UXS1: variants seen among roughly 807,000 people sequenced by gnomAD.
UXS1 encodes the protein UDP-glucuronate decarboxylase 1, also known as UDP-glucuronic acid decarboxylase 1.
Under a neutral mutation model 62.6 loss-of-function variants are expected in UXS1, and 33 were observed. The observed-to-expected ratio is 0.53, with a 90% CI of 0.40 to 0.70. UXS1 has a LOEUF of 0.70. Among genes scored for constraint, UXS1 ranks in the 30% least tolerant of loss-of-function variants. The probability of loss-of-function intolerance (pLI) is 0.00; values close to 1 mark genes in which losing one functional copy is unlikely to be tolerated. For synonymous variants in UXS1, 213 were observed against 206.8 expected (o/e 1.03, Z -0.26); for missense variants, 434 against 556.3 (o/e 0.78, Z 2.21).
At chr2:106,100,895 T>A in intron 12 of UXS1, 163 bp downstream of exon 12, 2 of 868,194 alleles carry the variant, frequency 2.3e-6, no homozygotes, top group Non-Finnish European at 3.6e-6. Context: ...TGTATACTCT[T>A]ACTTTGTGTT....
At chr2:106,181,555 C>T (rs546715538) in intron 1 of UXS1, among the ~76,000 whole-genome samples, 164 of 152,102 alleles carry the variant, frequency 1.1e-3, no homozygotes, top group Middle Eastern at 3.4e-3. Flanking sequence ...CCTGTCTCAA[C>T]TAAAATACAA....
intron 8 of UXS1, among the ~76,000 whole-genome samples, chr2:106,124,626 A>G (rs941752646): frequency 8.5e-5 from 13 of 152,204 alleles, no homozygotes; most frequent in Non-Finnish European, 1.8e-4. Flanking sequence ...AGACATGCAG[A>G]TAATAAATGA....
chr2:106,098,892 T>G, intron 12 of UXS1, 119 bp from the exon 13 acceptor site: 10 of 799,744 alleles, frequency 1.3e-5, no homozygotes, highest in Non-Finnish European at 2.1e-5. Flanking sequence ...CTGCGCTGCT[T>G]CAGCAGAGCT....
At chr2:106,176,160 A>C in intron 1 of UXS1, among the ~76,000 whole-genome samples, 1 of 150,260 alleles carries the variant, frequency 6.7e-6, no homozygotes, top group Non-Finnish European at 1.5e-5. Context: ...CTATCCCCCC[A>C]CCCCTGGCTG....
intron 1 of UXS1, among the ~76,000 whole-genome samples, chr2:106,166,870 A>C (rs993482904): frequency 7.2e-5 from 11 of 152,278 alleles, no homozygotes; most frequent in African/African-American, 2.6e-4. Context: ...CCTTTGTTTG[A>C]GGAAGAGCTA....
rs1481339313 is a variant in UXS1 at position 106,194,242 on chromosome 2, C to T, written c.-1G>A. 9 of 1,432,352 alleles carry T rather than the reference C, an allele frequency of 6.3e-6. No individual in the cohort carries two copies. Among genetic ancestry groups the T allele is most frequent in the Non-Finnish European group, 7.4e-6 (8 of 1,086,398 alleles). 88.7% of individuals were successfully genotyped at this position (1,432,352 alleles called of 1,614,324 possible). A position where few individuals can be genotyped will look rare whatever the true frequency, so the allele number is the denominator to read the frequency against. ...GGCGCAGCAGCGCCTTGCTCACCAT[C>T]CCCGGGAGCCGCGCGGGTCCAGGGC... On this transcript the variant is annotated 5_prime_UTR_variant, in exon 1 of 15. Coordinates refer to ENST00000283148, the MANE Select transcript of UXS1 (RefSeq NM_001253875.2).
chr2:106,108,697 G>A (rs1045143542), intron 10 of UXS1, among the ~76,000 whole-genome samples: 6 of 152,188 alleles, frequency 3.9e-5, no homozygotes, highest in African/African-American at 1.4e-4. Flanking sequence ...AAAGCAGCAT[G>A]ATGATCAAGG....
Position 106,094,361 on chromosome 2 carries a change from C to T in UXS1, c.1147-204G>A, listed in dbSNP as rs2889638. ...AGAGAAGCCAGAAGTCCTTCAGGGC[C>T]GCTTTCAGAATGTACTGTGGAGCTG... On this transcript the variant is annotated intron_variant, in intron 14 of 14. Coordinates refer to ENST00000283148, the MANE Select transcript of UXS1 (RefSeq NM_001253875.2). 2.6e-3 allele frequency among the ~76,000 whole-genome samples: 401 copies of T among 151,382 alleles called. 1 individual carries two copies. The highest frequency in any genetic ancestry group is 9.4e-3 in the African/African-American group (384 of 40,824).
Position 106,173,236 on chromosome 2 carries a change from A to T in UXS1, c.95-7153T>A, listed in dbSNP as rs571732283. ...AAGCCTGACTAAAAAGCTCCCCCAA[A>T]TGACTGGGAATTGCTACTCTAGGGC... On this transcript the variant is annotated intron_variant, in intron 1 of 14. Coordinates refer to ENST00000283148, the MANE Select transcript of UXS1 (RefSeq NM_001253875.2). Among the ~76,000 whole-genome samples, 5 of 152,226 alleles carry T rather than the reference A, an allele frequency of 3.3e-5. No individual in the cohort carries two copies. In the East Asian group the frequency reaches 7.7e-4, roughly 24 times the overall value.
At chr2:106,117,293 G>T (rs1330448287) in intron 9 of UXS1, among the ~76,000 whole-genome samples, 1 of 152,162 alleles carries the variant, frequency 6.6e-6, no homozygotes, top group African/African-American at 2.4e-5. Flanking sequence ...ATCTTCCTTA[G>T]GTGGATAGCT....
intron 1 of UXS1, among the ~76,000 whole-genome samples, chr2:106,171,138 T>C (rs1200417854): frequency 6.6e-6 from 1 of 152,240 alleles, no homozygotes; most frequent in Non-Finnish European, 1.5e-5. Flanking sequence ...TAGTTCTCAT[T>C]ATGTTGGTAT....
chr2:106,182,274 T>C (rs945111050), intron 1 of UXS1, among the ~76,000 whole-genome samples: 11 of 152,144 alleles, frequency 7.2e-5, no homozygotes, highest in Non-Finnish European at 1.6e-4. Context: ...CTCATAATGT[T>C]TTAAGAAAGT....
intron 6 of UXS1, among the ~76,000 whole-genome samples, chr2:106,144,469 G>C (rs1681393366): frequency 6.6e-6 from 1 of 152,100 alleles, no homozygotes; most frequent in Non-Finnish European, 1.5e-5. Context: ...TTGCCTTTGT[G>C]GGAAAAATGC....
chr2:106,130,578 T>C (rs1680364490), intron 6 of UXS1, among the ~76,000 whole-genome samples: 1 of 152,248 alleles, frequency 6.6e-6, no homozygotes, highest in Non-Finnish European at 1.5e-5. Flanking sequence ...CTGAAAGCTC[T>C]GCTGCCAAAA....
At chr2:106,130,060 T>C (rs534516319) in intron 6 of UXS1, among the ~76,000 whole-genome samples, 71 of 152,326 alleles carry the variant, frequency 4.7e-4, no homozygotes, top group African/African-American at 8.4e-4. Context: ...TCTGAAATAT[T>C]TGTCCCAGAT....
chr2:106,112,335 T>C (rs529588499), intron 10 of UXS1, among the ~76,000 whole-genome samples: 3 of 152,304 alleles, frequency 2.0e-5, no homozygotes, highest in South Asian at 2.1e-4. Context: ...GGCACACCCC[T>C]GGCTACAGCC....
rs186246736 is a variant in UXS1 at position 106,123,778 on chromosome 2, A to T, written c.638-687T>A. Among the ~76,000 whole-genome samples, 12 of 152,378 alleles carry T rather than the reference A, an allele frequency of 7.9e-5. 1 individual carries two copies. The highest frequency in any genetic ancestry group is 6.8e-3 in the Middle Eastern group (2 of 294). On this transcript the variant is annotated intron_variant, in intron 8 of 14. Transcript: ENST00000283148. ...AAGTATATTTCTGGAATATGAATAT[A>T]CACCTAATTTATTTAGTACACCAAG...
At chr2:106,107,021 T>C (rs943416021) in intron 10 of UXS1, among the ~76,000 whole-genome samples, 5 of 152,210 alleles carry the variant, frequency 3.3e-5, no homozygotes, top group African/African-American at 1.2e-4. Context: ...GCTCTCAGGC[T>C]GGCACCAGGC....
intron 2 of UXS1, 41 bp downstream of exon 2, chr2:106,166,015 T>C (rs1227933041): frequency 6.3e-7 from 1 of 1,594,528 alleles, no homozygotes; most frequent in East Asian, 2.2e-5. Flanking sequence ...AATGTGTCTA[T>C]AAAATCCAAC....
Sources: allele counts gnomAD v4.1 joint callset (sites outside exome capture counted in the v4.1 genomes callset), GRCh38; gene constraint gnomAD v4.1.1; transcripts MANE v1.5; gene names NCBI Gene and HGNC (gene_info 2026-07-23, HGNC 2026-07-21).